COG5: variants seen among roughly 807,000 people sequenced by gnomAD.
COG5 encodes the protein component of oligomeric golgi complex 5.
In COG5, 86 loss-of-function variants were observed where a neutral mutation model predicts 110.4. The observed-to-expected ratio is 0.78, with a 90% CI of 0.65 to 0.93. The LOEUF is 0.93. Ranked by LOEUF, COG5 falls within the 40% of genes least tolerant of loss-of-function variation. COG5 has a pLI of 0.00. For synonymous variants in COG5, 360 were observed against 334.6 expected (o/e 1.08, Z -0.83); for missense variants, 1,077 against 987.0 (o/e 1.09, Z -1.22).
Position 107,476,183 on chromosome 7 carries a change from T to TAAAAAAAAAAAAAAA in COG5, c.538+51053_538+51054insTTTTTTTTTTTTTTT, listed in dbSNP as rs1563056700. 5.3e-3 allele frequency among the ~76,000 whole-genome samples: 458 copies of TAAAAAAAAAAAAAAA among 85,710 alleles called. 7 individuals carry two copies. Among genetic ancestry groups the TAAAAAAAAAAAAAAA allele is most frequent in the Non-Finnish European group, 6.6e-3 (299 of 45,502 alleles). The allele number at this position is 85,710 out of a possible 152,430, so 56.2% of individuals were successfully genotyped here. On this transcript the variant is annotated intron_variant, in intron 6 of 21. Transcript: ENST00000297135. ...TCTGGATTAATATAGTGCAATGATT[T>TAAAAAAAAAAAAAAA]TAAAAAAAAAAAAAAAAAAAAAAAG...
At position 107,211,295 on chromosome 7, in the gene COG5, T is replaced by C. The variant is rs549166901; in HGVS notation, c.2169-70A>G. 7.6e-5 allele frequency: 117 copies of C among 1,544,470 alleles called. 2 individuals carry two copies. The South Asian group carries it at 1.0e-3, about 14-fold the overall frequency. Reference sequence around the variant, plus strand: ...AATAGGTGATTTGGTGGGAGAATCATTCTCCTTGTAGAATAGCATTTTTCC... The same window carrying C: ...AATAGGTGATTTGGTGGGAGAATCACTCTCCTTGTAGAATAGCATTTTTCC... On this transcript the variant is annotated intron_variant, in intron 19 of 21. Coordinates refer to ENST00000297135, the MANE Select transcript of COG5 (RefSeq NM_006348.5).
At chr7:107,432,771 A>C (rs1241401218) in intron 6 of COG5, among the ~76,000 whole-genome samples, 4 of 152,140 alleles carry the variant, frequency 2.6e-5, no homozygotes, top group African/African-American at 9.7e-5. Flanking sequence ...TTCGCAAAAA[A>C]AATTCTACAA....
chr7:107,471,768 C>T (rs1194251311), intron 6 of COG5: 2 of 151,964 alleles, frequency 1.3e-5, no homozygotes, highest in African/African-American at 2.4e-5. Context: ...GTGTTTTCTG[C>T]ACTAAATATT....
Position 107,215,233 on chromosome 7 carries a change from G to A in COG5, c.2169-4008C>T, listed in dbSNP as rs183492269. Among the ~76,000 whole-genome samples, 21 of 151,996 alleles carry A rather than the reference G, an allele frequency of 1.4e-4. No individual in the cohort carries two copies. In the East Asian group the frequency reaches 4.1e-3, roughly 30 times the overall value. ...ACCACAAAGGAGGACAGCAAGAGAG[G>A]AACAAGGAAACAAAGCATCCACAAA... On this transcript the variant is annotated intron_variant, in intron 19 of 21. Coordinates refer to ENST00000297135, the MANE Select transcript of COG5 (RefSeq NM_006348.5).
At chr7:107,393,263 A>C (rs1475158057) in intron 7 of COG5, among the ~76,000 whole-genome samples, 1 of 152,080 alleles carries the variant, frequency 6.6e-6, no homozygotes, top group African/African-American at 2.4e-5. Context: ...TAGGAATTCT[A>C]CTGTTTCCTT....
At chr7:107,401,511 A>G (rs1010761248) in intron 7 of COG5, among the ~76,000 whole-genome samples, 1 of 152,198 alleles carries the variant, frequency 6.6e-6, no homozygotes, top group Non-Finnish European at 1.5e-5. Context: ...TGATGGGAAC[A>G]AACAGACAAA....
At chr7:107,250,596 C>A (rs1375765898) in intron 16 of COG5, among the ~76,000 whole-genome samples, 3 of 151,888 alleles carry the variant, frequency 2.0e-5, no homozygotes, top group African/African-American at 7.3e-5. Context: ...ATGAACCAGA[C>A]TCTAGAATTA....
chr7:107,453,390 G>A (rs1795465714), intron 6 of COG5, among the ~76,000 whole-genome samples: 1 of 152,132 alleles, frequency 6.6e-6, no homozygotes. Flanking sequence ...TAACAAGGAT[G>A]AAATTGGGTA....
intron 6 of COG5, among the ~76,000 whole-genome samples, chr7:107,496,652 T>C (rs1167114273): frequency 1.4e-5 from 2 of 144,562 alleles, no homozygotes; most frequent in Non-Finnish European, 3.0e-5. Flanking sequence ...AGTGAGACTC[T>C]GTCTCAAAAA....
At position 107,236,598 on chromosome 7, in the gene COG5, T is replaced by C. The variant is rs202099716; in HGVS notation, c.1943A>G (p.Tyr648Cys). The change falls in exon 18 of 22, where the codon TAT (tyrosine) becomes TGT (cysteine). Residue 648 changes from tyrosine (Y) to cysteine (C), a missense_variant. Tyr to Cys is a radical substitution (Grantham distance 194, BLOSUM62 -2). Coordinates refer to ENST00000297135, the MANE Select transcript of COG5 (RefSeq NM_006348.5). ...ATCCAAGCATTCAAAGTGTTTAAAATAGTCACTCATAACTCTGGCAATGAA... is the reference window on the plus strand; with the variant it reads ...ATCCAAGCATTCAAAGTGTTTAAAACAGTCACTCATAACTCTGGCAATGAA... Reference protein sequence around the residue: ...QGFIARVMSDYFKHFECLDFV... With the variant: ...QGFIARVMSDCFKHFECLDFV... 2 of 1,614,088 alleles carry C rather than the reference T, an allele frequency of 1.2e-6. No homozygotes were observed. Among genetic ancestry groups the C allele is most frequent in the East Asian group, 2.2e-5 (1 of 44,866 alleles).
intron 14 of COG5, among the ~76,000 whole-genome samples, chr7:107,269,044 T>C (rs1445849750): frequency 1.3e-5 from 2 of 152,232 alleles, no homozygotes; most frequent in African/African-American, 4.8e-5. Context: ...ATTCAATTTT[T>C]GCTTCTTTTG....
At chr7:107,539,656 T>C (rs1334095845) in intron 5 of COG5, among the ~76,000 whole-genome samples, 8 of 152,172 alleles carry the variant, frequency 5.3e-5, no homozygotes, top group Non-Finnish European at 1.2e-4. Flanking sequence ...ATTCACAAGA[T>C]GCAATCTTGT....
intron 7 of COG5, among the ~76,000 whole-genome samples, chr7:107,390,614 C>T (rs1790552135): frequency 6.6e-6 from 1 of 151,512 alleles, no homozygotes; most frequent in African/African-American, 2.4e-5. Context: ...TCTGTTCACA[C>T]TATAGATCTA....
chr7:107,560,902 C>T (rs575871406), intron 1 of COG5, among the ~76,000 whole-genome samples: 10 of 151,048 alleles, frequency 6.6e-5, no homozygotes, highest in Non-Finnish European at 1.2e-4. Context: ...ACTGAAACCA[C>T]AGACAAGACC....
chr7:107,298,851 A>AC (rs1395428708), intron 11 of COG5, among the ~76,000 whole-genome samples: 2 of 152,224 alleles, frequency 1.3e-5, no homozygotes, highest in African/African-American at 2.4e-5. Context: ...TCTAACCAAA[A>AC]TAGTTTTAGA....
intron 7 of COG5, among the ~76,000 whole-genome samples, chr7:107,409,268 TAAAG>T (rs1357155372): frequency 7.4e-6 from 1 of 135,100 alleles, no homozygotes; most frequent in African/African-American, 2.7e-5. Flanking sequence ...GAGATTGAGA[TAAAG>T]AAACGAAGAG....
At chr7:107,271,696 C>T (rs940791961) in intron 14 of COG5, among the ~76,000 whole-genome samples, 1 of 151,994 alleles carries the variant, frequency 6.6e-6, no homozygotes, top group Non-Finnish European at 1.5e-5. Context: ...ATGCTTTTGG[C>T]TTTAATCATG....
intron 12 of COG5, among the ~76,000 whole-genome samples, chr7:107,294,921 GTGTATA>G (rs1275833661): frequency 5.1e-5 from 3 of 59,196 alleles, no homozygotes; most frequent in African/African-American, 1.3e-4. Context: ...GTGTGTGTGT[GTGTATA>G]TATACACACA....
chr7:107,287,752 ATGTGTGTG>A lies in COG5; in HGVS notation c.1314-4028_1314-4021del, dbSNP rs1805765647. Among the ~76,000 whole-genome samples, 4 of 152,096 alleles carry A rather than the reference ATGTGTGTG, an allele frequency of 2.6e-5. No homozygotes were observed. The South Asian group carries it at 8.3e-4, about 32-fold the overall frequency. ...GATAATATACTGTGTGTATCTGTGT[ATGTGTGTG>A]TTTTACTGTCTTCTTTCACTTAGTA... On this transcript the variant is annotated intron_variant, in intron 12 of 21. Coordinates refer to ENST00000297135, the MANE Select transcript of COG5 (RefSeq NM_006348.5).
Sources: allele counts gnomAD v4.1 joint callset (sites outside exome capture counted in the v4.1 genomes callset), GRCh38; gene constraint gnomAD v4.1.1; transcripts MANE v1.5; gene names NCBI Gene and HGNC (gene_info 2026-07-23, HGNC 2026-07-21).